TTLL5: variants seen among roughly 807,000 people sequenced by gnomAD.
TTLL5 encodes the protein tubulin tyrosine ligase like 5.
TTLL5 carries 132 observed loss-of-function variants against 168.4 expected under a neutral mutation model. That is an observed-to-expected ratio of 0.78 (90% CI 0.68 to 0.91). The LOEUF (loss-of-function observed/expected upper bound fraction) is 0.91. Ranked by LOEUF, TTLL5 falls within the 40% of genes least tolerant of loss-of-function variation. The pLI is 0.00. For synonymous variants in TTLL5, 546 were observed against 558.6 expected (o/e 0.98, Z 0.32); for missense variants, 1,545 against 1,581.5 (o/e 0.98, Z 0.39).
chr14:75,671,902 C>A lies in TTLL5; in HGVS notation c.181+2380C>A, dbSNP rs937540163. 3.3e-5 allele frequency among the ~76,000 whole-genome samples: 5 copies of A among 152,166 alleles called. 1 individual carries two copies. In the South Asian group the frequency reaches 1.0e-3, roughly 32 times the overall value. On this transcript the variant is annotated intron_variant, in intron 3 of 31. Transcript: ENST00000298832. ...TCCCTAATTGTTCTGGCTAGAATTT[C>A]TAGTACAATGCTGAATAGAAAGAGG...
At chr14:75,809,006 A>G (rs889298576) in intron 27 of TTLL5, among the ~76,000 whole-genome samples, 3 of 151,802 alleles carry the variant, frequency 2.0e-5, no homozygotes, top group African/African-American at 4.8e-5. Context: ...ATATATGAAC[A>G]CCACAGAGAA....
At position 75,887,455 on chromosome 14, in the gene TTLL5, G is replaced by A. The variant is rs567226812; in HGVS notation, c.3740+4553G>A. 1.3e-4 allele frequency: 59 copies of A among 465,916 alleles called. No individual in the cohort carries two copies. The East Asian group carries it at 3.4e-3, about 27-fold the overall frequency. 28.9% of individuals were successfully genotyped at this position (465,916 alleles called of 1,614,324 possible). A position where few individuals can be genotyped will look rare whatever the true frequency, so the allele number is the denominator to read the frequency against. On this transcript the variant is annotated intron_variant, in intron 30 of 31. Transcript: ENST00000298832. ...TTCTGCCAGCTTTTTATTATGTGCAGTTTCAAGAAACATAGTTGAATCTAT... is the reference window on the plus strand; with the variant it reads ...TTCTGCCAGCTTTTTATTATGTGCAATTTCAAGAAACATAGTTGAATCTAT...
At chr14:75,697,224 A>G (rs1885933465) in intron 6 of TTLL5, among the ~76,000 whole-genome samples, 1 of 152,206 alleles carries the variant, frequency 6.6e-6, no homozygotes, top group Non-Finnish European at 1.5e-5. Flanking sequence ...AGCCTAAAAT[A>G]TTTATTCTCT....
At position 75,771,745 on chromosome 14, in the gene TTLL5, C is replaced by T; in HGVS notation, c.2027C>T (p.Ala676Val). 1 of 1,613,740 alleles carries T rather than the reference C, an allele frequency of 6.2e-7. No homozygotes were observed. The highest frequency in any genetic ancestry group is 2.2e-5 in the East Asian group (1 of 44,854). Residue 676 changes from alanine to valine, a missense_variant, in exon 21 of 32, where the codon GCC (alanine) becomes GTC (valine). Transcript: ENST00000298832. ...TTGGATTTCTATAGCAAAATGCAGG[C>T]CCGAATAGCATTCTCTGCCTATCTC... ...QDNGNLSKMQARIAFSAYLQH... is the reference protein window; with the variant it reads ...QDNGNLSKMQVRIAFSAYLQH...
chr14:75,672,099 T>C (rs557066796), intron 3 of TTLL5, among the ~76,000 whole-genome samples: 1 of 152,228 alleles, frequency 6.6e-6, no homozygotes, highest in African/African-American at 2.4e-5. Flanking sequence ...AAATGCTTTT[T>C]CCACATCAAC....
At chr14:75,822,343 G>A (rs1194675227) in intron 28 of TTLL5, among the ~76,000 whole-genome samples, 1 of 152,162 alleles carries the variant, frequency 6.6e-6, no homozygotes, top group Non-Finnish European at 1.5e-5. Context: ...TATTGGGTAA[G>A]CATACTTACA....
chr14:75,890,583 A>G (rs1217730519), intron 30 of TTLL5, among the ~76,000 whole-genome samples: 1 of 152,222 alleles, frequency 6.6e-6, no homozygotes, highest in Non-Finnish European at 1.5e-5. Flanking sequence ...AGAAGATTTA[A>G]CTAGAACATA....
intron 27 of TTLL5, among the ~76,000 whole-genome samples, chr14:75,795,266 A>G (rs553077036): frequency 6.6e-6 from 1 of 152,366 alleles, no homozygotes; most frequent in Admixed American, 6.5e-5. Flanking sequence ...TCTAAATGCA[A>G]TATATGTGGA....
chr14:75,734,993 T>G (rs1267414366), intron 14 of TTLL5, among the ~76,000 whole-genome samples: 2 of 152,252 alleles, frequency 1.3e-5, no homozygotes, highest in Non-Finnish European at 1.5e-5. Context: ...CATCTGGAGA[T>G]TTCCCTTTTC....
At chr14:75,673,109 A>T (rs2140098615) in intron 3 of TTLL5, among the ~76,000 whole-genome samples, 1 of 142,724 alleles carries the variant, frequency 7.0e-6, no homozygotes, top group South Asian at 2.1e-4. Flanking sequence ...TAGCTAATTA[A>T]AAAAAAAAAA....
At chr14:75,872,739 A>G (rs11847367) in intron 29 of TTLL5, among the ~76,000 whole-genome samples, 134,012 of 151,758 alleles carry the variant, frequency 0.88, 59,276 homozygotes, top group South Asian at 0.92. Flanking sequence ...GAGAAACCCC[A>G]TCTCTACTAA....
At chr14:75,821,530 A>G (rs1397477340) in intron 28 of TTLL5, among the ~76,000 whole-genome samples, 4 of 152,344 alleles carry the variant, frequency 2.6e-5, no homozygotes, top group African/African-American at 7.2e-5. Flanking sequence ...GGCTACAGGC[A>G]TTGCTCCTAC....
intron 29 of TTLL5, 49 bp from the exon 30 acceptor site, chr14:75,882,636 G>A (rs1186565586): frequency 2.6e-6 from 4 of 1,518,402 alleles, no homozygotes; most frequent in East Asian, 2.3e-5. Context: ...CAGTAAATGG[G>A]TTGTGAAGGT....
At chr14:75,811,285 A>C (rs1261952976) in intron 27 of TTLL5, among the ~76,000 whole-genome samples, 1 of 151,296 alleles carries the variant, frequency 6.6e-6, no homozygotes, top group African/African-American at 2.4e-5. Context: ...ACTGTTGTCT[A>C]CTAGATCAAG....
intron 29 of TTLL5, among the ~76,000 whole-genome samples, chr14:75,865,353 A>C (rs1023407876): frequency 1.3e-5 from 2 of 152,058 alleles, no homozygotes; most frequent in Non-Finnish European, 2.9e-5. Flanking sequence ...GAGAATGCCA[A>C]CTTAATCAGA....
At chr14:75,829,922 C>T (rs568184359) in intron 28 of TTLL5, among the ~76,000 whole-genome samples, 2 of 152,176 alleles carry the variant, frequency 1.3e-5, no homozygotes, top group African/African-American at 4.8e-5. Flanking sequence ...TTTTTTAGTT[C>T]ATATAAAAGC....
intron 28 of TTLL5, among the ~76,000 whole-genome samples, chr14:75,829,829 T>A (rs1360574644): frequency 6.6e-6 from 1 of 152,214 alleles, no homozygotes; most frequent in Non-Finnish European, 1.5e-5. Flanking sequence ...TCAGACAGTG[T>A]GTCAGAAATA....
intron 28 of TTLL5, 126 bp downstream of exon 28, chr14:75,820,287 C>A: frequency 9.9e-7 from 1 of 1,008,154 alleles, no homozygotes; most frequent in Non-Finnish European, 1.3e-6. Flanking sequence ...CTCCACCTGC[C>A]TCGATCCTCT....
chr14:75,867,113 A>G (rs901673511), intron 29 of TTLL5, among the ~76,000 whole-genome samples: 2 of 152,236 alleles, frequency 1.3e-5, no homozygotes, highest in Admixed American at 1.3e-4. Flanking sequence ...AGGCCATAGC[A>G]TCTCTGTTGC....
Sources: gnomAD v4.1 joint callset for allele counts (sites outside exome capture counted in the v4.1 genomes callset) on GRCh38, gnomAD v4.1.1 for gene constraint, MANE v1.5 for transcripts, NCBI Gene and HGNC (gene_info 2026-07-23, HGNC 2026-07-21) for gene names.